Variants in CAST observed in about 807,000 individuals in gnomAD.
CAST encodes calpastatin.
In CAST, 76 loss-of-function variants were observed where a neutral mutation model predicts 119.6. The ratio of observed to expected loss-of-function variants is 0.64; its 90% CI spans 0.53 to 0.77. The LOEUF is 0.77. Ranked by LOEUF, CAST falls within the 30% of genes least tolerant of loss-of-function variation. CAST has a pLI of 0.00. For synonymous variants in CAST, 319 were observed against 331.6 expected (o/e 0.96, Z 0.41); for missense variants, 953 against 946.5 (o/e 1.01, Z -0.09).
chr5:96,500,008 C>T, the CAST span, among the ~76,000 whole-genome samples: 2 of 152,164 alleles, frequency 1.3e-5, no homozygotes, highest in East Asian at 1.9e-4. Flanking sequence ...AGGAGAGGGG[C>T]GGGTCCTTGG....
chr5:96,461,344 G>A, the CAST span, among the ~76,000 whole-genome samples: 1 of 152,132 alleles, frequency 6.6e-6, no homozygotes, highest in Non-Finnish European at 1.5e-5. Context: ...GTTTTTATCT[G>A]GACTTCTTTT....
the CAST span, among the ~76,000 whole-genome samples, chr5:96,344,058 C>A: frequency 1.1e-4 from 16 of 152,302 alleles, no homozygotes; most frequent in Non-Finnish European, 2.1e-4. Flanking sequence ...TTTACACTTA[C>A]CCTTGTGACC....
chr5:96,184,677 A>C, the CAST span, among the ~76,000 whole-genome samples: 15 of 152,064 alleles, frequency 9.9e-5, no homozygotes, highest in Non-Finnish European at 5.9e-5. Flanking sequence ...TCTGCAAAGG[A>C]CATGATCTTA....
At chr5:96,523,222 A>C (rs73775309), upstream of CAST, among the ~76,000 whole-genome samples, 1,743 of 152,296 alleles carry the variant, frequency 0.011, 27 homozygotes, top group African/African-American at 0.04. Flanking sequence ...GTGCCCACAC[A>C]TGGCACTGCT....
intron 1 of CAST, among the ~76,000 whole-genome samples, chr5:96,558,601 A>C (rs2150183949): frequency 6.6e-6 from 1 of 152,334 alleles, no homozygotes; most frequent in Non-Finnish European, 1.5e-5. Context: ...TAAACTAGAA[A>C]ATCTAGAAGA....
At position 96,547,234 on chromosome 5, in the gene CAST, T is replaced by G. The variant is rs1216944701; in HGVS notation, c.60+17354T>G. Among the ~76,000 whole-genome samples the G allele has an allele frequency of 2.0e-5, 3 of 152,138 alleles. No individual in the cohort carries two copies. In the East Asian group the frequency reaches 5.8e-4, roughly 29 times the overall value. ...TTATGGGTCCCAAAAAGTCCCATAA[T>G]ATGCCATACGCAAGCTGAAGAACCA... On this transcript the variant is annotated intron_variant, in intron 1 of 11. Coordinates refer to the CAST transcript ENST00000505143.
the CAST span, among the ~76,000 whole-genome samples, chr5:96,284,153 G>T: frequency 6.6e-6 from 1 of 152,182 alleles, no homozygotes; most frequent in Non-Finnish European, 1.5e-5. Context: ...GGAGCAGTGT[G>T]TGGAAATATA....
chr5:96,068,815 A>G, the CAST span, among the ~76,000 whole-genome samples: 1 of 151,164 alleles, frequency 6.6e-6, no homozygotes, highest in Non-Finnish European at 1.5e-5. Context: ...AATATATTTT[A>G]TATATACACA....
chr5:96,388,425 C>T, the CAST span, among the ~76,000 whole-genome samples: 5 of 152,152 alleles, frequency 3.3e-5, no homozygotes, highest in African/African-American at 1.2e-4. Context: ...GCAGTAGCTC[C>T]TGGGGCACAC....
At chr5:96,387,935 C>T in the CAST span, among the ~76,000 whole-genome samples, 1 of 152,122 alleles carries the variant, frequency 6.6e-6, no homozygotes, top group Non-Finnish European at 1.5e-5. Flanking sequence ...GGAAGAAATT[C>T]GAGGATGTTT....
At chr5:96,296,487 A>G in the CAST span, among the ~76,000 whole-genome samples, 1 of 152,200 alleles carries the variant, frequency 6.6e-6, no homozygotes, top group Non-Finnish European at 1.5e-5. Context: ...ATATTGTTTT[A>G]TAATTCTTTG....
At chr5:96,263,503 A>G in the CAST span, among the ~76,000 whole-genome samples, 2 of 152,190 alleles carry the variant, frequency 1.3e-5, no homozygotes, top group Non-Finnish European at 2.9e-5. Context: ...TCTCCATTCA[A>G]CAATCACCTG....
chr5:96,412,897 TCCCA>T, the CAST span: 6 of 141,888 alleles, frequency 4.2e-5, no homozygotes, highest in Non-Finnish European at 7.5e-5. Flanking sequence ...TTGCCCTCCC[TCCCA>T]CCCCAACTAA....
chr5:96,385,000 C>T, the CAST span, among the ~76,000 whole-genome samples: 3 of 152,120 alleles, frequency 2.0e-5, no homozygotes, highest in South Asian at 6.2e-4. Flanking sequence ...CTTGGAGAAA[C>T]TTTTTAAAAA....
At chr5:96,049,577 C>T in the CAST span, among the ~76,000 whole-genome samples, 1 of 152,062 alleles carries the variant, frequency 6.6e-6, no homozygotes, top group Admixed American at 6.6e-5. Context: ...TCTCAGGGAT[C>T]CCACTTGGGT....
chr5:96,205,708 A>G, the CAST span, among the ~76,000 whole-genome samples: 1 of 152,058 alleles, frequency 6.6e-6, no homozygotes, highest in South Asian at 2.1e-4. Flanking sequence ...TTCTTTATCC[A>G]GCCTATGACT....
At chr5:96,255,675 G>A in the CAST span, among the ~76,000 whole-genome samples, 874 of 152,034 alleles carry the variant, frequency 5.7e-3, 10 homozygotes, top group African/African-American at 0.019. Flanking sequence ...GAAAAATTTT[G>A]GAACCTAGAG....
intron 3 of CAST, among the ~76,000 whole-genome samples, chr5:96,717,860 G>A (rs769910265): frequency 1.4e-4 from 22 of 152,192 alleles, no homozygotes; most frequent in South Asian, 4.1e-4. Context: ...TCATCAGTGC[G>A]GAAACATGGT....
intron 1 of CAST, among the ~76,000 whole-genome samples, chr5:96,574,808 T>A (rs1324769267): frequency 6.6e-6 from 1 of 152,208 alleles, no homozygotes; most frequent in Non-Finnish European, 1.5e-5. Flanking sequence ...CACCATTAAA[T>A]TGTTTTTGTA....
Sources: gnomAD v4.1 joint callset for allele counts (sites outside exome capture counted in the v4.1 genomes callset) on GRCh38, gnomAD v4.1.1 for gene constraint, MANE v1.5 for transcripts, NCBI Gene and HGNC (gene_info 2026-07-23, HGNC 2026-07-21) for gene names.